The following TLE4 variants were observed in gnomAD, a reference collection of about 807,000 sequenced individuals.
TLE4 encodes the protein TLE family member 4, transcriptional corepressor.
A neutral mutation model predicts 92.8 loss-of-function variants in TLE4; 8 were observed. The ratio of observed to expected loss-of-function variants is 0.09; its 90% CI spans 0.05 to 0.16. The LOEUF is 0.16. Ranked by LOEUF, TLE4 falls within the 10% of genes least tolerant of loss-of-function variation. The probability of loss-of-function intolerance (pLI) is 1.00; values close to 1 mark genes in which losing one functional copy is unlikely to be tolerated. For synonymous variants in TLE4, 371 were observed against 374.1 expected (o/e 0.99, Z 0.10); for missense variants, 675 against 997.6 (o/e 0.68, Z 4.36).
intron 17 of TLE4, 54 bp from the exon 18 acceptor site, chr9:79,722,397 T>A (rs1312195235): frequency 6.3e-7 from 1 of 1,592,188 alleles, no homozygotes; most frequent in South Asian, 1.1e-5. Flanking sequence ...ACCTCCCAGA[T>A]AAAAGAAGCG....
At chr9:79,682,010 C>G (rs1314708675) in intron 8 of TLE4, among the ~76,000 whole-genome samples, 1 of 151,746 alleles carries the variant, frequency 6.6e-6, no homozygotes, top group South Asian at 2.1e-4. Context: ...CTCATGTAAC[C>G]TGTTATTGTT....
chr9:79,678,235 A>G (rs184716633), intron 8 of TLE4, among the ~76,000 whole-genome samples: 14 of 152,222 alleles, frequency 9.2e-5, no homozygotes, highest in Admixed American at 9.2e-4. Flanking sequence ...AATAATTAGT[A>G]CCATTCTTTT....
At chr9:79,573,663 T>G (rs761229410) in intron 1 of TLE4, 26 bp from the exon 2 acceptor site, 3 of 1,565,350 alleles carry the variant, frequency 1.9e-6, no homozygotes, top group Non-Finnish European at 2.6e-6. Flanking sequence ...TGTGGGCTAA[T>G]TAAATATTTT....
chr9:79,613,047 A>G (rs2048722157), intron 5 of TLE4, among the ~76,000 whole-genome samples: 1 of 152,148 alleles, frequency 6.6e-6, no homozygotes, highest in Non-Finnish European at 1.5e-5. Flanking sequence ...AAAAATTGCC[A>G]GGAAAACAGG....
Position 79,615,088 on chromosome 9 carries a change from G to GT in TLE4, c.315+2376dup, listed in dbSNP as rs1309491069. On this transcript the variant is annotated intron_variant, in intron 5 of 19. Coordinates refer to ENST00000376552, the MANE Select transcript of TLE4 (RefSeq NM_007005.6). ...TCCTTCAAATCAGGGCATCTCTGAT[G>GT]TTTTTTATCTGAACATCGTCCACCT... 2.0e-5 allele frequency among the ~76,000 whole-genome samples: 3 copies of GT among 152,262 alleles called. No homozygotes were observed. In the East Asian group the frequency reaches 5.8e-4, roughly 29 times the overall value.
At chr9:79,708,818 A>G (rs1261484687) in intron 13 of TLE4, 32 bp downstream of exon 13, 1 of 1,578,350 alleles carries the variant, frequency 6.3e-7, no homozygotes, top group Non-Finnish European at 8.6e-7. Context: ...ATAATATTTT[A>G]GCACACGGAG....
rs371117330 is a variant in TLE4, at chr9:79,705,850, G to C, written c.730-39G>C. ...ACTTAGGGTAAATGTGGTATGTTTT[G>C]TGAGGGGAGAAGATAATGCTTCTCA... On this transcript the variant is annotated intron_variant, in intron 9 of 19. Coordinates refer to ENST00000376552, the MANE Select transcript of TLE4 (RefSeq NM_007005.6). 25 of 1,608,438 alleles carry C rather than the reference G, an allele frequency of 1.6e-5. No individual in the cohort carries two copies. The African/African-American group carries it at 3.1e-4, about 20-fold the overall frequency.
At chr9:79,620,643 C>T (rs1005820513) in intron 5 of TLE4, among the ~76,000 whole-genome samples, 3 of 152,248 alleles carry the variant, frequency 2.0e-5, no homozygotes, top group Non-Finnish European at 4.4e-5. Context: ...TGTTTGTGTA[C>T]GTGTATGTAT....
chr9:79,717,253 G>C (rs1319634718), intron 14 of TLE4, among the ~76,000 whole-genome samples: 1 of 152,096 alleles, frequency 6.6e-6, no homozygotes, highest in Non-Finnish European at 1.5e-5. Context: ...GTGTACCCTT[G>C]AGTTATGCTT....
At chr9:79,645,750 G>C (rs1489221048) in intron 6 of TLE4, among the ~76,000 whole-genome samples, 1 of 152,090 alleles carries the variant, frequency 6.6e-6, no homozygotes, top group Non-Finnish European at 1.5e-5. Flanking sequence ...TCTTAATGGA[G>C]TACTTACTTG....
chr9:79,674,040 C>G (rs146410008), intron 8 of TLE4, among the ~76,000 whole-genome samples: 109 of 152,198 alleles, frequency 7.2e-4, no homozygotes, highest in African/African-American at 2.5e-3. Context: ...CTTCAGGCTT[C>G]CCTCCAAGTG....
chr9:79,613,458 A>G (rs1044842626), intron 5 of TLE4, among the ~76,000 whole-genome samples: 3 of 151,938 alleles, frequency 2.0e-5, no homozygotes, highest in African/African-American at 4.8e-5. Flanking sequence ...CTCCCTGCTT[A>G]CTTTTGGTAG....
chr9:79,636,322 C>T (rs2055823293), intron 6 of TLE4, among the ~76,000 whole-genome samples: 2 of 152,040 alleles, frequency 1.3e-5, no homozygotes, highest in African/African-American at 4.8e-5. Context: ...AATGAAAAAC[C>T]CAGGAAAACC....
At chr9:79,721,948 C>A in intron 17 of TLE4, 60 bp downstream of exon 17, 1 of 1,566,136 alleles carries the variant, frequency 6.4e-7, no homozygotes, top group East Asian at 2.3e-5. Context: ...GGGCGGATCA[C>A]CAGGTCAGGG....
chr9:79,636,622 G>C (rs576699639), intron 6 of TLE4, among the ~76,000 whole-genome samples: 1 of 152,256 alleles, frequency 6.6e-6, no homozygotes, highest in East Asian at 1.9e-4. Context: ...CAGCTCAGAT[G>C]TTATTTCCTG....
In TLE4 at chr9:79,706,074, T is replaced by C. The variant is rs906004033; in HGVS notation, c.783+132T>C. The C allele has an allele frequency of 8.0e-6, 7 of 879,310 alleles. No individual in the cohort carries two copies. In the African/African-American group the frequency reaches 9.9e-5, roughly 12 times the overall value. The allele number at this position is 879,310 out of a possible 1,614,324, so 54.5% of individuals were successfully genotyped here. On this transcript the variant is annotated intron_variant, in intron 10 of 19. Transcript: ENST00000376552. Reference sequence around the variant, plus strand: ...TGTTGTTGTTTTTTGAGGCAGGGTCTTGTTCTCTTGCCCTGGCTAGAGTAC... The same window carrying C: ...TGTTGTTGTTTTTTGAGGCAGGGTCCTGTTCTCTTGCCCTGGCTAGAGTAC...
chr9:79,588,844 AC>A (rs1280098142), intron 4 of TLE4, among the ~76,000 whole-genome samples: 2 of 152,190 alleles, frequency 1.3e-5, no homozygotes, highest in Admixed American at 6.5e-5. Flanking sequence ...ATAATTGTGT[AC>A]CTTTTTTGTG....
At chr9:79,606,187 GTTTTTT>G (rs71364420) in intron 4 of TLE4, among the ~76,000 whole-genome samples, 12 of 28,704 alleles carry the variant, frequency 4.2e-4, no homozygotes, top group Non-Finnish European at 5.8e-4. Flanking sequence ...AGTAGTAGTT[GTTTTTT>G]TTTTTTTTTT....
intron 5 of TLE4, among the ~76,000 whole-genome samples, chr9:79,622,601 C>G (rs887046961): frequency 1.3e-5 from 2 of 152,080 alleles, no homozygotes; most frequent in African/African-American, 4.8e-5. Context: ...AATTATAGAG[C>G]CTTTTGAGCA....
Sources: gnomAD v4.1 joint callset for allele counts (sites outside exome capture counted in the v4.1 genomes callset) on GRCh38, gnomAD v4.1.1 for gene constraint, MANE v1.5 for transcripts, NCBI Gene and HGNC (gene_info 2026-07-23, HGNC 2026-07-21) for gene names.